CNTN5: variants seen among roughly 807,000 people sequenced by gnomAD.
CNTN5 encodes the protein contactin 5, also known as contactin-5.
In CNTN5, 77 loss-of-function variants were observed where a neutral mutation model predicts 129.1. The observed-to-expected ratio is 0.60, with a 90% CI of 0.50 to 0.72. CNTN5 has a LOEUF of 0.72. Ranked by LOEUF, CNTN5 falls within the 30% of genes least tolerant of loss-of-function variation. The probability of loss-of-function intolerance (pLI) is 0.00; values close to 1 mark genes in which losing one functional copy is unlikely to be tolerated. For synonymous variants in CNTN5, 509 were observed against 465.6 expected, an observed-to-expected ratio of 1.09 and a Z score of -1.20; for missense variants, 1,478 against 1,328.8, an observed-to-expected ratio of 1.11 and a Z score of -1.75.
intron 7 of CNTN5, among the ~76,000 whole-genome samples, chr11:99,931,556 C>T (rs760683358): frequency 3.9e-5 from 6 of 152,094 alleles, no homozygotes; most frequent in Non-Finnish European, 7.4e-5. Flanking sequence ...TTAAAATAGC[C>T]TATTTTTGTT....
chr11:99,283,968 C>T (rs1445525679), intron 1 of CNTN5, among the ~76,000 whole-genome samples: 2 of 152,142 alleles, frequency 1.3e-5, no homozygotes, highest in Non-Finnish European at 2.9e-5. Context: ...GTATTAAAAA[C>T]ATATGCATCT....
At chr11:100,158,773 T>A (rs987510223) in intron 13 of CNTN5, among the ~76,000 whole-genome samples, 2 of 151,888 alleles carry the variant, frequency 1.3e-5, no homozygotes, top group African/African-American at 4.8e-5. Context: ...CAGAGACAGT[T>A]TGGCATTATG....
At chr11:99,788,849 G>A (rs1372224) in intron 3 of CNTN5, among the ~76,000 whole-genome samples, 40,886 of 151,352 alleles carry the variant, frequency 0.27, 5,945 homozygotes, top group East Asian at 0.49. Flanking sequence ...TATATACGGG[G>A]AATGCTTTTT....
At chr11:100,193,736 T>A in intron 15 of CNTN5, 73 bp downstream of exon 15, 2 of 1,373,938 alleles carry the variant, frequency 1.5e-6, no homozygotes, top group Non-Finnish European at 2.0e-6. Context: ...AGACCTTGCT[T>A]AGCTATGAAG....
chr11:99,328,395 C>T (rs1169267032), intron 2 of CNTN5, among the ~76,000 whole-genome samples: 1 of 152,104 alleles, frequency 6.6e-6, no homozygotes, highest in Admixed American at 6.6e-5. Context: ...TGGAACAGTT[C>T]CACACAAAAT....
chr11:99,460,656 G>C (rs1161622254), intron 2 of CNTN5, among the ~76,000 whole-genome samples: 1 of 151,884 alleles, frequency 6.6e-6, no homozygotes, highest in Non-Finnish European at 1.5e-5. Flanking sequence ...TTACCCTCCT[G>C]CCTAAAGCGA....
chr11:100,211,673 C>G (rs962492941), intron 15 of CNTN5, among the ~76,000 whole-genome samples: 1 of 152,158 alleles, frequency 6.6e-6, no homozygotes, highest in Non-Finnish European at 1.5e-5. Context: ...AGTTTATAAT[C>G]TTTAGTTGAT....
At chr11:99,837,951 G>A (rs1947358943) in intron 4 of CNTN5, among the ~76,000 whole-genome samples, 1 of 151,952 alleles carries the variant, frequency 6.6e-6, no homozygotes, top group East Asian at 1.9e-4. Context: ...GGTATCCTTA[G>A]TAGAAACTTC....
At chr11:99,592,656 GA>G (rs1035721151) in intron 3 of CNTN5, among the ~76,000 whole-genome samples, 3 of 151,684 alleles carry the variant, frequency 2.0e-5, no homozygotes, top group South Asian at 4.2e-4. Flanking sequence ...AAAGAAAAGG[GA>G]AAAAAAGGTA....
intron 3 of CNTN5, among the ~76,000 whole-genome samples, chr11:99,732,407 A>G (rs905570503): frequency 2.2e-5 from 3 of 136,654 alleles, no homozygotes; most frequent in Non-Finnish European, 5.0e-5. Context: ...ATAACTGAGT[A>G]CTTGTATAAT....
chr11:100,169,180 C>A (rs946816188), intron 13 of CNTN5, among the ~76,000 whole-genome samples: 4 of 151,940 alleles, frequency 2.6e-5, no homozygotes, highest in Non-Finnish European at 5.9e-5. Flanking sequence ...TTTAGGATAT[C>A]ACATCAACTT....
intron 7 of CNTN5, among the ~76,000 whole-genome samples, chr11:99,938,298 T>C (rs1950359897): frequency 6.6e-6 from 1 of 152,122 alleles, no homozygotes; most frequent in Admixed American, 6.6e-5. Context: ...ATTTCATCAA[T>C]CCTTCGTTTC....
chr11:100,140,129 G>A (rs1591305468), intron 13 of CNTN5, among the ~76,000 whole-genome samples: 1 of 152,166 alleles, frequency 6.6e-6, no homozygotes, highest in African/African-American at 2.4e-5. Context: ...GCCAAAAGAA[G>A]TTGGTGTGAA....
intron 2 of CNTN5, among the ~76,000 whole-genome samples, chr11:99,537,392 C>T (rs923947): frequency 0.33 from 50,376 of 151,876 alleles, 8,714 homozygotes; most frequent in Non-Finnish European, 0.39. Flanking sequence ...TGAACCCACA[C>T]CTGTCTAGTT....
At chr11:99,453,014 T>C (rs1222374168) in intron 2 of CNTN5, among the ~76,000 whole-genome samples, 1 of 152,150 alleles carries the variant, frequency 6.6e-6, no homozygotes, top group Non-Finnish European at 1.5e-5. Flanking sequence ...AGCACCTGGG[T>C]TCAAAACCGG....
At chr11:99,799,069 G>C (rs1452654702) in intron 3 of CNTN5, among the ~76,000 whole-genome samples, 1 of 151,924 alleles carries the variant, frequency 6.6e-6, no homozygotes, top group Admixed American at 6.6e-5. Context: ...TAGCTTGACT[G>C]TTATTAGTAT....
At chr11:99,518,827 A>C (rs1459980238) in intron 2 of CNTN5, among the ~76,000 whole-genome samples, 2 of 151,960 alleles carry the variant, frequency 1.3e-5, no homozygotes, top group Non-Finnish European at 2.9e-5. Context: ...TACATTGTCT[A>C]CCTCCAGTGC....
intron 15 of CNTN5, among the ~76,000 whole-genome samples, chr11:100,197,052 G>T (rs1361552819): frequency 6.6e-6 from 1 of 151,908 alleles, no homozygotes; most frequent in Admixed American, 6.6e-5. Context: ...GTTAGAAGGG[G>T]TTGGTATTTG....
At chr11:99,577,799 G>C (rs1288078357) in intron 3 of CNTN5, among the ~76,000 whole-genome samples, 1 of 146,472 alleles carries the variant, frequency 6.8e-6, no homozygotes, top group Admixed American at 7.0e-5. Context: ...TTTATAGTGA[G>C]GAATTAATTC....
Sources: gnomAD v4.1 joint callset for allele counts (sites outside exome capture counted in the v4.1 genomes callset) on GRCh38, gnomAD v4.1.1 for gene constraint, MANE v1.5 for transcripts, NCBI Gene and HGNC (gene_info 2026-07-23, HGNC 2026-07-21) for gene names.